Variants in RELL1 observed in about 807,000 individuals in gnomAD.
The protein encoded by RELL1 is RELT like 1.
In RELL1, 10 loss-of-function variants were observed where a neutral mutation model predicts 23.0. The observed-to-expected ratio is 0.43, with a 90% CI of 0.27 to 0.74. RELL1 has a LOEUF of 0.74. Among genes scored for constraint, RELL1 ranks in the 30% least tolerant of loss-of-function variants. RELL1 has a pLI of 0.19. For missense variants in RELL1, 315 were observed against 364.4 expected (o/e 0.86, Z 1.10); for synonymous variants, 146 against 146.8 (o/e 0.99, Z 0.04).
intron 1 of RELL1, among the ~76,000 whole-genome samples, chr4:37,672,942 A>G (rs1307556959): frequency 6.6e-6 from 1 of 152,194 alleles, no homozygotes; most frequent in African/African-American, 2.4e-5. Flanking sequence ...CAGTAGGGCC[A>G]AAAAATGAAA....
chr4:37,675,748 C>T (rs775609402), intron 1 of RELL1, among the ~76,000 whole-genome samples: 9 of 152,152 alleles, frequency 5.9e-5, no homozygotes, highest in Non-Finnish European at 1.3e-4. Flanking sequence ...GGACAGGATA[C>T]ATACAGCCCC....
intron 1 of RELL1, among the ~76,000 whole-genome samples, chr4:37,661,267 CTGTTTGTTTGTT>C (rs112180792): frequency 2.0e-5 from 3 of 150,596 alleles, no homozygotes; most frequent in African/African-American, 4.9e-5. Context: ...TAAGTTAATT[CTGTTTGTTTGTT>C]TGTTTGTTTG....
chr4:37,610,626 C>T (rs754222842), downstream of RELL1, among the ~76,000 whole-genome samples: 3 of 152,216 alleles, frequency 2.0e-5, no homozygotes, highest in Non-Finnish European at 4.4e-5. The surrounding 1 kb of genome is among the most constrained non-coding windows in gnomAD (Gnocchi z 4.1). Flanking sequence ...ACCCACAAGA[C>T]AACACACTGC....
chr4:37,686,267 CG>C lies in RELL1; in HGVS notation c.20del (p.Pro7ArgfsTer6). On this transcript the variant is annotated frameshift_variant, in exon 1 of 7. Coordinates refer to ENST00000454158, the MANE Select transcript of RELL1 (RefSeq NM_001085400.2). LOFTEE classifies it high-confidence loss of function. Reference sequence around the variant, plus strand: ...CAGCAGCGGCTAGGACGGCGGACCCCGGGAGTGCCCGCGGAGCCATCGCCGC... The same window carrying C: ...CAGCAGCGGCTAGGACGGCGGACCCCGGAGTGCCCGCGGAGCCATCGCCGC... The part of the protein sequence containing the change: MAPRAL[P>X]GSAVLAAAVF... 6.5e-7 allele frequency: 1 copy of C among 1,548,776 alleles called. No homozygotes were observed. The highest frequency in any genetic ancestry group is 1.9e-5 in the Admixed American group (1 of 54,006).
At chr4:37,592,354 A>G (rs112219673) in intron 6 of RELL1, among the ~76,000 whole-genome samples, 493 of 11,302 alleles carry the variant, frequency 0.044, 1 homozygote, top group Middle Eastern at 0.075. Context: ...CATCTCTATG[A>G]AAAAAAAAAA....
chr4:37,612,636 C>CAAAAA lies in RELL1; in HGVS notation c.*705_*709dup, dbSNP rs978165271. Among the ~76,000 whole-genome samples, 1 of 60,132 alleles carries CAAAAA rather than the reference C, an allele frequency of 1.7e-5. No individual in the cohort carries two copies. The highest frequency in any genetic ancestry group is 4.8e-4 in the East Asian group (1 of 2,074). The allele number at this position is 60,132 out of a possible 152,430, so 39.4% of individuals were successfully genotyped here. A position where few individuals can be genotyped will look rare whatever the true frequency, so the allele number is the denominator to read the frequency against. On this transcript the variant is annotated 3_prime_UTR_variant, in exon 7 of 7. Coordinates refer to ENST00000454158, the MANE Select transcript of RELL1 (RefSeq NM_001085400.2). ...TAGGGGACACAGCGAGACTCTGCCT[C>CAAAAA]AAAAAAAAAAAAAAAAAAACCTTCT...
chr4:37,599,031 C>T (rs1718950807), intron 6 of RELL1, among the ~76,000 whole-genome samples: 1 of 152,148 alleles, frequency 6.6e-6, no homozygotes, highest in African/African-American at 2.4e-5. Context: ...TCTGTGGCAA[C>T]ATCCATGTTG....
chr4:37,616,522 C>G (rs1438778454), intron 6 of RELL1, among the ~76,000 whole-genome samples: 2 of 152,188 alleles, frequency 1.3e-5, no homozygotes, highest in South Asian at 2.1e-4. Context: ...GTTGCATGAA[C>G]AGTTAAATGA....
intron 1 of RELL1, among the ~76,000 whole-genome samples, chr4:37,679,631 A>G (rs1338547330): frequency 6.6e-6 from 1 of 152,202 alleles, no homozygotes; most frequent in Non-Finnish European, 1.5e-5. Flanking sequence ...GAACATGCAA[A>G]TAGTCAAGAT....
chr4:37,614,103 A>C (rs1264136968), intron 6 of RELL1, among the ~76,000 whole-genome samples: 1 of 152,238 alleles, frequency 6.6e-6, no homozygotes, highest in African/African-American at 2.4e-5. Flanking sequence ...AAAACCAGAG[A>C]TAGACCCAGC....
intron 1 of RELL1, among the ~76,000 whole-genome samples, chr4:37,655,146 C>G (rs986136836): frequency 2.0e-5 from 3 of 151,868 alleles, no homozygotes; most frequent in African/African-American, 7.3e-5. Context: ...CTTCTTGAAC[C>G]CAAATTAATG....
At chr4:37,675,489 T>G (rs1577609887) in intron 1 of RELL1, among the ~76,000 whole-genome samples, 1 of 152,222 alleles carries the variant, frequency 6.6e-6, no homozygotes, top group Non-Finnish European at 1.5e-5. Context: ...AGAATTAAAT[T>G]TGATCAGGCA....
At chr4:37,628,192 C>T (rs940503926) in intron 6 of RELL1, among the ~76,000 whole-genome samples, 3 of 152,162 alleles carry the variant, frequency 2.0e-5, no homozygotes, top group Non-Finnish European at 4.4e-5. Context: ...TCTGAGCAGG[C>T]TCTACTCATG....
chr4:37,601,994 G>A (rs574931286), intron 6 of RELL1, among the ~76,000 whole-genome samples: 6 of 152,164 alleles, frequency 3.9e-5, no homozygotes, highest in African/African-American at 1.2e-4. Flanking sequence ...TGGGCAGATC[G>A]TTTGAGCTCA....
intron 1 of RELL1, among the ~76,000 whole-genome samples, chr4:37,655,589 T>C (rs1046000119): frequency 1.3e-5 from 2 of 152,250 alleles, no homozygotes; most frequent in African/African-American, 4.8e-5. Context: ...GAGGAAACTT[T>C]GCTGACACAT....
chr4:37,596,968 G>A (rs1044376781), intron 6 of RELL1, among the ~76,000 whole-genome samples: 5 of 151,294 alleles, frequency 3.3e-5, no homozygotes, highest in East Asian at 3.9e-4. Context: ...GGCTGGTCTC[G>A]AACTCCCCAC....
chr4:37,595,631 G>C (rs1423761868), intron 6 of RELL1, among the ~76,000 whole-genome samples: 1 of 89,676 alleles, frequency 1.1e-5, no homozygotes, highest in Non-Finnish European at 3.1e-5. Context: ...CAAATCCATA[G>C]GAATTTGAGA....
chr4:37,673,565 A>G (rs1221359097), intron 1 of RELL1, among the ~76,000 whole-genome samples: 3 of 152,298 alleles, frequency 2.0e-5, no homozygotes, highest in Non-Finnish European at 4.4e-5. Flanking sequence ...AATTGTTTCT[A>G]TCTGCATATC....
chr4:37,651,074 A>T (rs991115047), intron 1 of RELL1, among the ~76,000 whole-genome samples: 2 of 129,174 alleles, frequency 1.5e-5, no homozygotes, highest in African/African-American at 5.7e-5. Flanking sequence ...AAAAAAAAAA[A>T]AATTAAATTA....
Sources: allele counts gnomAD v4.1 joint callset (sites outside exome capture counted in the v4.1 genomes callset), GRCh38; gene constraint gnomAD v4.1.1; non-coding constraint Gnocchi (gnomAD v3.1); transcripts MANE v1.5; gene names NCBI Gene and HGNC (gene_info 2026-07-23, HGNC 2026-07-21).